Variants in RERG observed in about 807,000 individuals in gnomAD.
The protein encoded by RERG is RAS like estrogen regulated growth inhibitor, also known as ras-related and estrogen-regulated growth inhibitor.
Under a neutral mutation model 23.2 loss-of-function variants are expected in RERG, and 25 were observed. That is an observed-to-expected ratio of 1.08 (90% confidence interval 0.79 to 1.50). The LOEUF is 1.50. RERG is among the 40% of genes most tolerant of loss of function. The pLI is 0.00. For synonymous variants in RERG, 81 were observed against 89.1 expected (o/e 0.91, Z 0.51); for missense variants, 253 against 250.1 (o/e 1.01, Z -0.08).
chr12:15,117,973 A>G (rs1863760531), intron 3 of RERG, among the ~76,000 whole-genome samples: 1 of 152,190 alleles, frequency 6.6e-6, no homozygotes, highest in Non-Finnish European at 1.5e-5. Flanking sequence ...GGCCACCCAC[A>G]AAGATTTCAC....
chr12:15,209,269 C>T (rs1228160807), intron 2 of RERG, among the ~76,000 whole-genome samples: 1 of 152,096 alleles, frequency 6.6e-6, no homozygotes, highest in Admixed American at 6.5e-5. Context: ...TTCAAAGTAC[C>T]TTCAGTGCCA....
At chr12:15,135,224 A>C (rs1471635158) in intron 2 of RERG, among the ~76,000 whole-genome samples, 1 of 152,164 alleles carries the variant, frequency 6.6e-6, no homozygotes, top group Non-Finnish European at 1.5e-5. Context: ...CATTTGTTCC[A>C]CTTGTTCATT....
chr12:15,171,745 T>C (rs907721972), intron 2 of RERG, among the ~76,000 whole-genome samples: 1 of 152,186 alleles, frequency 6.6e-6, no homozygotes, highest in Non-Finnish European at 1.5e-5. Flanking sequence ...TGCAAAAGAA[T>C]ATTTCATAAG....
At chr12:15,219,423 C>T (rs1026882753) in intron 1 of RERG, among the ~76,000 whole-genome samples, 1 of 152,196 alleles carries the variant, frequency 6.6e-6, no homozygotes, top group African/African-American at 2.4e-5. Flanking sequence ...TCAACATTAA[C>T]ATTAGCTATT....
At chr12:15,163,360 A>G (rs542491093) in intron 2 of RERG, among the ~76,000 whole-genome samples, 91 of 152,330 alleles carry the variant, frequency 6.0e-4, no homozygotes, top group African/African-American at 2.1e-3. Flanking sequence ...TAATTTTCCA[A>G]TGAATATACA....
rs929280826 is a variant in RERG, at chr12:15,195,379, C to T, written c.61+22050G>A. Among the ~76,000 whole-genome samples the T allele has an allele frequency of 2.0e-5, 3 of 152,094 alleles. 1 individual carries two copies. Among genetic ancestry groups the T allele is most frequent in the Admixed American group, 1.3e-4 (2 of 15,258 alleles). On this transcript the variant is annotated intron_variant, in intron 2 of 4. Coordinates refer to ENST00000256953, the MANE Select transcript of RERG (RefSeq NM_032918.3). The stretch of plus-strand genomic sequence containing the variant: ...ATGCCAAGGGTGCCTGATTAGGGAA[C>T]GAAGAGTTGGAGCAACAGAGAGGCC...
At chr12:15,142,787 C>T (rs540208288) in intron 2 of RERG, among the ~76,000 whole-genome samples, 2 of 152,050 alleles carry the variant, frequency 1.3e-5, no homozygotes, top group African/African-American at 2.4e-5. Context: ...CTAAAAAAAA[C>T]CCCTGAAATA....
intron 2 of RERG, among the ~76,000 whole-genome samples, chr12:15,139,061 A>G (rs2136100615): frequency 8.1e-6 from 1 of 123,640 alleles, no homozygotes; most frequent in East Asian, 2.4e-4. Context: ...GCTTTTTACA[A>G]CATAAATTTG....
At chr12:15,141,857 C>G (rs756885781) in intron 2 of RERG, among the ~76,000 whole-genome samples, 1 of 152,172 alleles carries the variant, frequency 6.6e-6, no homozygotes, top group African/African-American at 2.4e-5. Context: ...ATTATTCTTG[C>G]GTCTTCAATA....
intron 2 of RERG, among the ~76,000 whole-genome samples, chr12:15,178,505 G>A (rs1864882496): frequency 6.6e-6 from 1 of 152,122 alleles, no homozygotes; most frequent in Non-Finnish European, 1.5e-5. Flanking sequence ...ATTTTATTTG[G>A]TGAGAGAAGA....
chr12:15,152,756 A>T (rs73306726), intron 2 of RERG, among the ~76,000 whole-genome samples: 2,477 of 152,218 alleles, frequency 0.016, 71 homozygotes, highest in African/African-American at 0.057. Flanking sequence ...AGTTTCATAG[A>T]ACTTTTTTGG....
intron 2 of RERG, among the ~76,000 whole-genome samples, chr12:15,180,042 G>T (rs995005781): frequency 6.6e-6 from 1 of 152,088 alleles, no homozygotes; most frequent in Non-Finnish European, 1.5e-5. Flanking sequence ...GAACTTATTT[G>T]GGAGAAACCT....
chr12:15,161,166 G>GAAAGAAAGAAAGAAAGAAAGAAAGA (rs1864603008), intron 2 of RERG, among the ~76,000 whole-genome samples: 1 of 130,216 alleles, frequency 7.7e-6, no homozygotes, highest in East Asian at 2.3e-4. Flanking sequence ...AAGAAAGAAA[G>GAAAGAAAGAAAGAAAGAAAGAAAGA]AAAGAAAGAA....
intron 3 of RERG, among the ~76,000 whole-genome samples, chr12:15,117,554 C>G (rs2136085933): frequency 6.6e-6 from 1 of 152,262 alleles, no homozygotes; most frequent in East Asian, 1.9e-4. Flanking sequence ...CATTCCCATC[C>G]TCATCTGCTT....
At chr12:15,137,893 G>A in intron 2 of RERG, 1 of 444,792 alleles carries the variant, frequency 2.2e-6, no homozygotes, top group Non-Finnish European at 4.5e-6. Context: ...TTTCTGAGAT[G>A]TATCATTCTC....
At chr12:15,143,400 ATAT>A (rs1278360188) in intron 2 of RERG, among the ~76,000 whole-genome samples, 1 of 152,036 alleles carries the variant, frequency 6.6e-6, no homozygotes, top group Non-Finnish European at 1.5e-5. Flanking sequence ...TATAATGTAT[ATAT>A]TATATAAACA....
At chr12:15,217,898 T>C (rs903287463) in intron 1 of RERG, 5 of 171,796 alleles carry the variant, frequency 2.9e-5, no homozygotes, top group Non-Finnish European at 5.0e-5. Context: ...TTCTTGATAG[T>C]AACTGAAAGT....
chr12:15,109,568 T>C, intron 4 of RERG, 51 bp from the exon 5 acceptor site: 2 of 1,424,996 alleles, frequency 1.4e-6, no homozygotes, highest in Non-Finnish European at 1.9e-6. Context: ...AATCAAAATA[T>C]ATGGATGCTG....
At chr12:15,205,212 A>G (rs1361546386) in intron 2 of RERG, among the ~76,000 whole-genome samples, 1 of 152,038 alleles carries the variant, frequency 6.6e-6, no homozygotes, top group Non-Finnish European at 1.5e-5. Context: ...CCTGAGGACA[A>G]GAAAAAATTT....
Sources: gnomAD v4.1 joint callset for allele counts (sites outside exome capture counted in the v4.1 genomes callset) on GRCh38, gnomAD v4.1.1 for gene constraint, MANE v1.5 for transcripts, NCBI Gene and HGNC (gene_info 2026-07-23, HGNC 2026-07-21) for gene names.